Variants in NIBAN3 observed in about 807,000 individuals in gnomAD.
The protein encoded by NIBAN3 is protein Niban 3.
NIBAN3 carries 66 observed loss-of-function variants against 76.4 expected under a neutral mutation model. The ratio of observed to expected loss-of-function variants is 0.86; its 90% CI spans 0.71 to 1.06. NIBAN3 has a LOEUF of 1.06. Ranked by LOEUF, NIBAN3 falls within the 50% of genes least tolerant of loss-of-function variation. The pLI, the probability that NIBAN3 is intolerant of heterozygous loss-of-function variation, is 0.00. For missense variants in NIBAN3, 808 were observed against 810.7 expected (o/e 1.00, Z 0.04); for synonymous variants, 360 against 355.2 (o/e 1.01, Z -0.15).
chr19:17,537,873 G>A (rs192927253), intron 5 of NIBAN3, among the ~76,000 whole-genome samples: 1 of 152,064 alleles, frequency 6.6e-6, no homozygotes, highest in African/African-American at 2.4e-5. Flanking sequence ...TTGAACCCGG[G>A]AGGTGGAGGT....
rs542306640 is a variant in NIBAN3 at position 17,551,501 on chromosome 19, G to C, written c.1751-285G>C. ...CGGCTAACTGCAACCTCTGCCTCTC[G>C]GGTTCAAGCGATTCTCATGCCTCAG... On this transcript the variant is annotated intron_variant, in intron 14 of 14. Transcript: ENST00000599164. Among the ~76,000 whole-genome samples, 6 of 151,610 alleles carry C rather than the reference G, an allele frequency of 4.0e-5. No homozygotes were observed. In the South Asian group the frequency reaches 1.3e-3, roughly 32 times the overall value.
upstream of NIBAN3, among the ~76,000 whole-genome samples, chr19:17,525,609 C>T (rs1180631686): frequency 6.6e-6 from 1 of 152,074 alleles, no homozygotes; most frequent in Non-Finnish European, 1.5e-5. Context: ...CAAGAGTTCT[C>T]TAGGCACTGG....
At chr19:17,527,470 T>G (rs2075626618) in intron 1 of NIBAN3, 75 bp downstream of exon 1, 1 of 1,416,188 alleles carries the variant, frequency 7.1e-7, no homozygotes, top group Non-Finnish European at 9.3e-7. Flanking sequence ...ACATGCTCCA[T>G]GCAGCAGATG....
At chr19:17,534,659 C>G (rs998057981) in intron 4 of NIBAN3, among the ~76,000 whole-genome samples, 1 of 151,968 alleles carries the variant, frequency 6.6e-6, no homozygotes, top group South Asian at 2.1e-4. Context: ...GTTGTGGTGG[C>G]GGGCACCTGT....
rs771316284 is a variant in NIBAN3, at chr19:17,549,445, A to G, written c.1668A>G (p.Glu556=). The G allele has an allele frequency of 6.2e-7, 1 of 1,611,088 alleles. No homozygotes were observed. The highest frequency in any genetic ancestry group is 8.5e-7 in the Non-Finnish European group (1 of 1,177,702). The change falls in exon 14 of 15, where the codon GAA becomes GAG. Residue 556 remains glutamate (E), a splice_region_variant and synonymous_variant. Transcript: ENST00000599164. ...RGCLLQRIDQ[E]LKKTLGANDV... ...GTCCAAGAGTTCATCTCATTTCAGA[A>G]TTGAAAAAGACCCTTGGTGCCAATG...
At position 17,546,624 on chromosome 19, in the gene NIBAN3, T is replaced by A. The variant is rs113166143; in HGVS notation, c.1555-62T>A. 5 of 1,407,020 alleles carry A rather than the reference T, an allele frequency of 3.6e-6. No individual in the cohort carries two copies. The African/African-American group carries it at 6.0e-5, about 17-fold the overall frequency. 87.2% of individuals were successfully genotyped at this position (1,407,020 alleles called of 1,614,324 possible). On this transcript the variant is annotated intron_variant, in intron 12 of 14. Coordinates refer to ENST00000599164, the MANE Select transcript of NIBAN3 (RefSeq NM_001321827.2). The stretch of plus-strand genomic sequence containing the variant: ...GGCCCAGGGCTAGGGCAGAAGCCTG[T>A]GTTGTAGGCCTCTAGAGGGGCCCTC...
At chr19:17,546,354 G>A (rs986438013) in intron 12 of NIBAN3, 39 of 171,270 alleles carry the variant, frequency 2.3e-4, no homozygotes, top group Admixed American at 9.2e-4. Context: ...GTGGCTTGCC[G>A]CCCACAACCC....
chr19:17,540,109 C>T, intron 8 of NIBAN3: 1 of 235,128 alleles, frequency 4.3e-6, no homozygotes, highest in Non-Finnish European at 7.6e-6. Flanking sequence ...GGCCCAGAGC[C>T]GGGCCAATGC....
Position 17,553,251 on chromosome 19 carries a change from A to G in NIBAN3, c.*1353A>G. 1.3e-6 allele frequency: 2 copies of G among 1,582,072 alleles called. No individual in the cohort carries two copies. Among genetic ancestry groups the G allele is most frequent in the South Asian group, 1.1e-5 (1 of 86,968 alleles). ...GAAGGATATGAACGCTTTGTGATAC[A>G]GGTTACAGATTTTGGGGTTTTTTTC... is the stretch of plus-strand genomic sequence containing the variant. On this transcript the variant is annotated 3_prime_UTR_variant, in exon 15 of 15. Transcript: ENST00000599164.
At position 17,532,359 on chromosome 19, in the gene NIBAN3, G is replaced by A. The variant is rs780301607; in HGVS notation, c.283G>A (p.Gly95Ser). The change falls in exon 3 of 15, where the codon GGC becomes AGC. Residue 95 changes from glycine (G) to serine (S), a missense_variant. By Grantham distance (56) the Gly-to-Ser change is moderately conservative. Transcript: ENST00000599164. ...QPIFCVLRGD[G>S]RLEWFSHKEE... ...GATCTTCTGTGTTCTGCGTGGGGAC[G>A]GCCGCCTAGAGTGGTTCAGCCACAA... 1.1e-5 allele frequency: 17 copies of A among 1,614,044 alleles called. No homozygotes were observed. The highest frequency in any genetic ancestry group is 3.3e-5 in the Admixed American group (2 of 59,996).
At chr19:17,551,465 TG>T (rs1599765603) in intron 14 of NIBAN3, among the ~76,000 whole-genome samples, 1 of 151,700 alleles carries the variant, frequency 6.6e-6, no homozygotes, top group East Asian at 1.9e-4. Flanking sequence ...TGGAGTGCAA[TG>T]GCGCGATCTC....
chr19:17,551,056 C>T (rs1262034566), intron 14 of NIBAN3, among the ~76,000 whole-genome samples: 1 of 151,610 alleles, frequency 6.6e-6, no homozygotes, highest in African/African-American at 2.4e-5. Context: ...TTCACCCTTT[C>T]ATCTTTTGGC....
chr19:17,540,590 C>T lies in NIBAN3; in HGVS notation c.1170+8C>T. ...ACGCGGCTGCGCAGGGAGGTGAGCT[C>T]CCGTGGGTAGGGGTTCAGTGAGCCA... On this transcript the variant is annotated splice_region_variant and intron_variant, in intron 9 of 14. Transcript: ENST00000599164. 6.8e-7 allele frequency: 1 copy of T among 1,479,426 alleles called. No homozygotes were observed. The highest frequency in any genetic ancestry group is 1.8e-4 in the Middle Eastern group (1 of 5,584). The allele number at this position is 1,479,426 out of a possible 1,614,324, so 91.6% of individuals were successfully genotyped here.
In NIBAN3 at chr19:17,527,358, G is replaced by C; in HGVS notation, c.18G>C (p.Ser6=). 1 of 1,548,362 alleles carries C rather than the reference G, an allele frequency of 6.5e-7. No homozygotes were observed. The highest frequency in any genetic ancestry group is 8.7e-7 in the Non-Finnish European group (1 of 1,145,960). ...ACAGCAGCATGGGTGGGCGGCCTTC[G>C]AGCCCTCTGGACAAGCAGCAGCGGC... The part of the protein sequence containing the change: MGGRP[S]SPLDKQQRQH... Residue 6 remains serine, a synonymous_variant, in exon 1 of 15, where the codon TCG becomes TCC. Transcript: ENST00000599164.
chr19:17,546,874 T>G (rs1203811497), intron 13 of NIBAN3, 77 bp downstream of exon 13: 11 of 1,510,094 alleles, frequency 7.3e-6, no homozygotes, highest in Non-Finnish European at 9.8e-6. Flanking sequence ...CAGGGCCACA[T>G]CGACTCTCAC....
At chr19:17,539,040 G>T (rs1467646726) in intron 5 of NIBAN3, 110 bp from the exon 6 acceptor site, 32 of 852,636 alleles carry the variant, frequency 3.8e-5, no homozygotes, top group Non-Finnish European at 5.7e-5. Context: ...TTCCAGAGAT[G>T]GGTGAGACTT....
At chr19:17,545,995 G>A (rs1441544397) in intron 12 of NIBAN3, 5 of 435,568 alleles carry the variant, frequency 1.1e-5, no homozygotes, top group South Asian at 3.2e-5. Context: ...GCTAGACCAC[G>A]GTCTGCCTGG....
intron 1 of NIBAN3, among the ~76,000 whole-genome samples, chr19:17,529,037 G>C (rs2075662793): frequency 6.6e-6 from 1 of 152,188 alleles, no homozygotes; most frequent in African/African-American, 2.4e-5. Context: ...TTGGACAGGA[G>C]AAACAGCATG....
upstream of NIBAN3, chr19:17,523,472 C>T: frequency 6.4e-7 from 1 of 1,561,012 alleles, no homozygotes. Context: ...TGGTAAACAG[C>T]AAAGAGAGCT....
Sources: gnomAD v4.1 joint callset for allele counts (sites outside exome capture counted in the v4.1 genomes callset) on GRCh38, gnomAD v4.1.1 for gene constraint, MANE v1.5 for transcripts, NCBI Gene and HGNC (gene_info 2026-07-23, HGNC 2026-07-21) for gene names.